The following SCAP variants were observed in gnomAD, a reference collection of about 807,000 sequenced individuals.
SCAP encodes sterol regulatory element-binding protein cleavage-activating protein.
SCAP carries 65 observed loss-of-function variants against 123.6 expected under a neutral mutation model. The observed-to-expected ratio is 0.53, with a 90% CI of 0.43 to 0.65. SCAP has a LOEUF of 0.65. SCAP is among the 30% of genes least tolerant of loss of function. The pLI, the probability that SCAP is intolerant of heterozygous loss-of-function variation, is 0.00. For synonymous variants in SCAP, 740 were observed against 726.3 expected, an observed-to-expected ratio of 1.02 and a Z score of -0.30; for missense variants, 1,398 against 1,712.5, an observed-to-expected ratio of 0.82 and a Z score of 3.24.
intron 1 of SCAP, among the ~76,000 whole-genome samples, chr3:47,458,149 G>A (rs531820517): frequency 1.3e-5 from 2 of 151,812 alleles, no homozygotes; most frequent in South Asian, 2.1e-4. Flanking sequence ...TTAGCAGGGC[G>A]TGGCCAGGCG....
intron 1 of SCAP, among the ~76,000 whole-genome samples, chr3:47,443,817 A>C (rs1298646750): frequency 6.6e-6 from 1 of 152,168 alleles, no homozygotes; most frequent in African/African-American, 2.4e-5. Context: ...GCTCCACAGG[A>C]TTTAACCTGG....
At chr3:47,448,295 T>C (rs549679099) in intron 1 of SCAP, among the ~76,000 whole-genome samples, 1 of 152,318 alleles carries the variant, frequency 6.6e-6, no homozygotes, top group South Asian at 2.1e-4. Flanking sequence ...GATTTTTTTA[T>C]GTTAATCTTT....
intron 1 of SCAP, among the ~76,000 whole-genome samples, chr3:47,449,757 T>G (rs1707176741): frequency 8.1e-6 from 1 of 123,958 alleles, no homozygotes; most frequent in Non-Finnish European, 1.8e-5. Flanking sequence ...AAAAAAATTA[T>G]GGGAAACTCA....
rs1705459950 is a variant in SCAP at position 47,414,304 on chromosome 3, AAC to A, written c.3468_3469del (p.Phe1157CysfsTer23). 1.9e-6 allele frequency: 3 copies of A among 1,613,150 alleles called. No individual in the cohort carries two copies. Among genetic ancestry groups the A allele is most frequent in the Non-Finnish European group, 2.5e-6 (3 of 1,180,028 alleles). ...GGAGGTGACATCCCCACGGTGAGCA[AAC>A]ACATGGCTGACCCGGCTGCCAGTCA... On this transcript the variant is annotated frameshift_variant, in exon 22 of 23. Transcript: ENST00000265565. LOFTEE classifies it high-confidence loss of function.
chr3:47,448,614 A>G (rs2107944285), intron 1 of SCAP, among the ~76,000 whole-genome samples: 1 of 150,646 alleles, frequency 6.6e-6, no homozygotes, highest in East Asian at 2.0e-4. Context: ...CTATTATTCT[A>G]CCTTCATGTT....
chr3:47,470,343 G>A (rs1014205286), intron 1 of SCAP, among the ~76,000 whole-genome samples: 2 of 152,332 alleles, frequency 1.3e-5, no homozygotes, highest in Non-Finnish European at 2.9e-5. Context: ...CATAGCCAAT[G>A]AGGAAGAAGA....
intron 6 of SCAP, among the ~76,000 whole-genome samples, chr3:47,426,930 C>T (rs548876617): frequency 9.2e-5 from 14 of 152,272 alleles, no homozygotes; most frequent in African/African-American, 3.1e-4. Flanking sequence ...ACTGAGACCG[C>T]CAGCCCTACC....
At position 47,418,760 on chromosome 3, in the gene SCAP, C is replaced by A; in HGVS notation, c.2024G>T (p.Gly675Val). 6.3e-7 allele frequency: 1 copy of A among 1,587,664 alleles called. No homozygotes were observed. Among genetic ancestry groups the A allele is most frequent in the Non-Finnish European group, 8.5e-7 (1 of 1,169,956 alleles). Residue 675 changes from glycine (G) to valine (V), a missense_variant, in exon 14 of 23, where the codon GGC becomes GTC. Coordinates refer to ENST00000265565, the MANE Select transcript of SCAP (RefSeq NM_012235.4). ...CCCCGGTGGGGGCCAGGCACTGCGG[C>A]CGTCCTGAGGGTGCCGGCCCTCCAG... ...EALEGRHPQD[G>V]RSAWPPPGPI...
In SCAP at chr3:47,419,117, G is replaced by A. The variant is rs945834259; in HGVS notation, c.1940+211C>T. On this transcript the variant is annotated intron_variant, in intron 13 of 22. Coordinates refer to ENST00000265565, the MANE Select transcript of SCAP (RefSeq NM_012235.4). The surrounding 1 kb of genome is among the most constrained non-coding windows in gnomAD (Gnocchi z 5.0). ...GCACAGGTGGGTGGGTCTCATTCTG[G>A]TGAGGGCTGGCAGCCACCAGTGACT... Among the ~76,000 whole-genome samples, 2 of 152,138 alleles carry A rather than the reference G, an allele frequency of 1.3e-5. No homozygotes were observed. The highest frequency in any genetic ancestry group is 6.6e-5 in the Admixed American group (1 of 15,258).
At chr3:47,434,977 T>C in intron 3 of SCAP, 31 bp downstream of exon 3, 1 of 1,614,042 alleles carries the variant, frequency 6.2e-7, no homozygotes, top group Non-Finnish European at 8.5e-7. Context: ...CAACGCTCTG[T>C]GCTGGCCTCA....
At chr3:47,427,716 C>T (rs1293118883) in intron 4 of SCAP, 49 bp from the exon 5 acceptor site, 1 of 1,522,588 alleles carries the variant, frequency 6.6e-7, no homozygotes, top group South Asian at 1.2e-5. Context: ...CACCACAGGG[C>T]AGACCTGCTG....
chr3:47,418,620 ACT>A (rs939100017), intron 14 of SCAP, 33 bp downstream of exon 14: 4 of 895,952 alleles, frequency 4.5e-6, no homozygotes, highest in Non-Finnish European at 5.7e-6. Flanking sequence ...CCCTCCCCGC[ACT>A]CTTTCCCACC....
In SCAP at chr3:47,435,683, G is replaced by T. The variant is rs772749730; in HGVS notation, c.123-546C>A. On this transcript the variant is annotated intron_variant, in intron 2 of 22. Transcript: ENST00000265565. ...TTACAGGCGTAAGCAACCGTGCCTG[G>T]CTAGTTTATACATTTAATGAGTAAC... Among the ~76,000 whole-genome samples, 24 of 152,126 alleles carry T rather than the reference G, an allele frequency of 1.6e-4. No homozygotes were observed. In the Middle Eastern group the frequency reaches 0.014, roughly 86 times the overall value.
In SCAP at chr3:47,415,094, C is replaced by A. The variant is rs372346811; in HGVS notation, c.3139+4G>T. On this transcript the variant is annotated splice_donor_region_variant and intron_variant, in intron 19 of 22. Coordinates refer to ENST00000265565, the MANE Select transcript of SCAP (RefSeq NM_012235.4). The stretch of plus-strand genomic sequence containing the variant: ...GAACACCTGCCCACCCCAGGCCCTC[C>A]GACCTCTAAACTGCAGGGGGCTGAG... 1.9e-6 allele frequency: 3 copies of A among 1,602,082 alleles called. No homozygotes were observed. The highest frequency in any genetic ancestry group is 2.6e-6 in the Non-Finnish European group (3 of 1,175,850).
intron 1 of SCAP, among the ~76,000 whole-genome samples, chr3:47,454,101 C>T (rs1383342686): frequency 1.3e-5 from 2 of 152,212 alleles, no homozygotes; most frequent in South Asian, 2.1e-4. Flanking sequence ...GGTGCGGTGG[C>T]TCATGCCTGT....
chr3:47,441,874 C>CT (rs1160447716), intron 2 of SCAP, among the ~76,000 whole-genome samples: 28,574 of 76,628 alleles, frequency 0.37, 3,850 homozygotes, highest in East Asian at 0.44. Context: ...GTTCATCTTT[C>CT]TTTTTTTTTT....
rs778215976 is a variant in SCAP, at chr3:47,417,785, G to C, written c.2489C>G (p.Ala830Gly). The C allele has an allele frequency of 1.6e-5, 25 of 1,570,522 alleles. No homozygotes were observed. Among genetic ancestry groups the C allele is most frequent in the Non-Finnish European group, 2.2e-5 (25 of 1,160,620 alleles). Residue 830 changes from alanine (A) to glycine (G), a missense_variant, in exon 17 of 23, where the codon GCT becomes GGT. By Grantham distance (60) the Ala-to-Gly change is moderately conservative (BLOSUM62 0). Coordinates refer to ENST00000265565, the MANE Select transcript of SCAP (RefSeq NM_012235.4). ...TGAAAGTCGTTCCCAGCTCTCCTGA[G>C]CCTCAAGCCCGCTGCCCACGCCACT... ...RDSGVGSGLEAQESWERLSDG... is the reference protein window; with the variant it reads ...RDSGVGSGLEGQESWERLSDG...
upstream of SCAP, among the ~76,000 whole-genome samples, chr3:47,476,625 C>T (rs1020383616): frequency 2.0e-5 from 3 of 152,200 alleles, no homozygotes; most frequent in African/African-American, 4.8e-5. Context: ...GCAACAGCTA[C>T]GTTCACTGTT....
intron 1 of SCAP, among the ~76,000 whole-genome samples, chr3:47,463,079 A>G (rs1707705292): frequency 6.6e-6 from 1 of 152,156 alleles, no homozygotes; most frequent in Non-Finnish European, 1.5e-5. Context: ...CTTCAAATCT[A>G]ACAAGACCAA....
Sources: allele counts gnomAD v4.1 joint callset (sites outside exome capture counted in the v4.1 genomes callset), GRCh38; gene constraint gnomAD v4.1.1; non-coding constraint Gnocchi (gnomAD v3.1); transcripts MANE v1.5; gene names NCBI Gene and HGNC (gene_info 2026-07-23, HGNC 2026-07-21).